The following TNR variants were observed in gnomAD, a reference collection of about 807,000 sequenced individuals.
The protein encoded by TNR is tenascin-R.
In TNR, 45 loss-of-function variants were observed where a neutral mutation model predicts 150.4. The observed-to-expected ratio is 0.30, with a 90% confidence interval of 0.24 to 0.38. The LOEUF (loss-of-function observed/expected upper bound fraction) is 0.38. TNR is among the 10% of genes least tolerant of loss of function. TNR has a pLI of 1.00. For missense variants in TNR, 1,544 were observed against 1,759.1 expected, an observed-to-expected ratio of 0.88 and a Z score of 2.19; for synonymous variants, 687 against 678.4, an observed-to-expected ratio of 1.01 and a Z score of -0.20.
chr1:175,489,832 T>G (rs1192208455), intron 2 of TNR, among the ~76,000 whole-genome samples: 1 of 152,204 alleles, frequency 6.6e-6, no homozygotes, highest in African/African-American at 2.4e-5. Flanking sequence ...TTTTTCCAAC[T>G]TCAACCGAAA....
At chr1:175,690,770 G>C (rs1666337900) in intron 1 of TNR, among the ~76,000 whole-genome samples, 1 of 152,216 alleles carries the variant, frequency 6.6e-6, no homozygotes, top group African/African-American at 2.4e-5. Context: ...GAACAAAAGA[G>C]AAACAGGTGG....
chr1:175,612,193 G>A (rs990570045), intron 1 of TNR, among the ~76,000 whole-genome samples: 1 of 152,108 alleles, frequency 6.6e-6, no homozygotes, highest in African/African-American at 2.4e-5. Flanking sequence ...CAGTCACTCA[G>A]AGCACCTCCT....
intron 2 of TNR, among the ~76,000 whole-genome samples, chr1:175,432,551 T>C (rs1290302188): frequency 2.6e-5 from 4 of 152,226 alleles, no homozygotes; most frequent in Non-Finnish European, 5.9e-5. Context: ...CCCATTATTT[T>C]TCCTACACGA....
At chr1:175,689,527 C>T (rs926290139) in intron 1 of TNR, among the ~76,000 whole-genome samples, 2 of 152,140 alleles carry the variant, frequency 1.3e-5, no homozygotes, top group South Asian at 4.2e-4. Flanking sequence ...CTGCCAGCTC[C>T]CTTGAATGCG....
intron 2 of TNR, among the ~76,000 whole-genome samples, chr1:175,436,885 T>C (rs1655535622): frequency 6.6e-6 from 1 of 152,116 alleles, no homozygotes; most frequent in Non-Finnish European, 1.5e-5. Context: ...ATAAAGCAAG[T>C]CCTTAGTGAC....
At chr1:175,395,263 A>G (rs1224835585) in intron 5 of TNR, among the ~76,000 whole-genome samples, 1 of 152,162 alleles carries the variant, frequency 6.6e-6, no homozygotes, top group African/African-American at 2.4e-5. Flanking sequence ...TGGAGCTTCC[A>G]TGAAGATTTC....
At chr1:175,715,647 G>T (rs887171365) in intron 1 of TNR, among the ~76,000 whole-genome samples, 1 of 152,212 alleles carries the variant, frequency 6.6e-6, no homozygotes, top group Non-Finnish European at 1.5e-5. Flanking sequence ...ATGATGCTGG[G>T]ATGTCATAAG....
chr1:175,470,226 A>T (rs1375382186), intron 2 of TNR, among the ~76,000 whole-genome samples: 4 of 152,186 alleles, frequency 2.6e-5, no homozygotes, highest in Non-Finnish European at 1.5e-5. Context: ...GCCAGTGTAA[A>T]GGTGACAGTT....
At chr1:175,431,919 C>CTCTCTCTCTCTCTCTCCT (rs1479119512) in intron 2 of TNR, among the ~76,000 whole-genome samples, 2 of 151,856 alleles carry the variant, frequency 1.3e-5, no homozygotes, top group Admixed American at 6.6e-5. Context: ...ATATCTCTCT[C>CTCTCTCTCTCTCTCTCCT]TCTCTCTCTC....
chr1:175,656,273 T>G (rs187240943), intron 1 of TNR, among the ~76,000 whole-genome samples: 176 of 151,884 alleles, frequency 1.2e-3, no homozygotes, highest in African/African-American at 4.1e-3. Context: ...AACCCTGAGG[T>G]GTTACACAAA....
intron 1 of TNR, among the ~76,000 whole-genome samples, chr1:175,650,829 A>G (rs1431161617): frequency 1.2e-3 from 13 of 10,594 alleles, no homozygotes; most frequent in South Asian, 6.0e-3. Context: ...CCTCCTTACT[A>G]CCCCTCCCCC....
intron 1 of TNR, among the ~76,000 whole-genome samples, chr1:175,553,489 C>T (rs991835834): frequency 7.2e-5 from 11 of 152,188 alleles, no homozygotes; most frequent in African/African-American, 2.2e-4. Context: ...CAACTCTATC[C>T]ACCACATCAT....
At chr1:175,721,619 C>T (rs998527593) in intron 1 of TNR, among the ~76,000 whole-genome samples, 1 of 152,150 alleles carries the variant, frequency 6.6e-6, no homozygotes, top group Non-Finnish European at 1.5e-5. Flanking sequence ...CTGAAACCTG[C>T]CTTCACCTTT....
At chr1:175,725,975 G>A (rs1311525491) in intron 1 of TNR, among the ~76,000 whole-genome samples, 1 of 152,158 alleles carries the variant, frequency 6.6e-6, no homozygotes, top group Non-Finnish European at 1.5e-5. Flanking sequence ...AAGCATTAGA[G>A]GTGCCAAGTA....
At position 175,689,502 on chromosome 1, in the gene TNR, C is replaced by A. The variant is rs146384111; in HGVS notation, c.-165+53724G>T. 1.5e-3 allele frequency among the ~76,000 whole-genome samples: 229 copies of A among 152,264 alleles called. 4 individuals are homozygous for A. Among genetic ancestry groups the A allele is most frequent in the African/African-American group, 5.4e-3 (223 of 41,548 alleles). ...ATTTGCATGTTTTCATTAACGCAGG[C>A]TATGGCTGGCCAGGCTGCCAGCTCC... On this transcript the variant is annotated intron_variant, in intron 1 of 22. Coordinates refer to ENST00000367674, the MANE Select transcript of TNR (RefSeq NM_003285.3).
intron 1 of TNR, among the ~76,000 whole-genome samples, chr1:175,558,866 T>C (rs1482920658): frequency 6.6e-6 from 1 of 152,232 alleles, no homozygotes; most frequent in East Asian, 1.9e-4. Flanking sequence ...CATGTCATTA[T>C]ACATTTGTCC....
At chr1:175,656,186 G>T (rs189365086) in intron 1 of TNR, among the ~76,000 whole-genome samples, 1 of 144,662 alleles carries the variant, frequency 6.9e-6, no homozygotes, top group African/African-American at 2.8e-5. Flanking sequence ...GTGTGTGTGT[G>T]TGTGTATGTG....
chr1:175,643,164 T>C (rs1664716548), intron 1 of TNR, among the ~76,000 whole-genome samples: 1 of 152,202 alleles, frequency 6.6e-6, no homozygotes, highest in Non-Finnish European at 1.5e-5. Flanking sequence ...CATGTCTATA[T>C]TCCTGGCCTG....
At position 175,668,449 on chromosome 1, in the gene TNR, T is replaced by C. The variant is rs1345003636; in HGVS notation, c.-165+74777A>G. Among the ~76,000 whole-genome samples, 4 of 152,006 alleles carry C rather than the reference T, an allele frequency of 2.6e-5. No individual in the cohort carries two copies. In the East Asian group the frequency reaches 7.7e-4, roughly 29 times the overall value. ...TGCCTGCAATCTGGCATCCCCACAG[T>C]AGGGAGGGGGCTCTTCCTAAGCATG... On this transcript the variant is annotated intron_variant, in intron 1 of 22. Transcript: ENST00000367674.
Sources: gnomAD v4.1 joint callset for allele counts (sites outside exome capture counted in the v4.1 genomes callset) on GRCh38, gnomAD v4.1.1 for gene constraint, MANE v1.5 for transcripts, NCBI Gene and HGNC (gene_info 2026-07-23, HGNC 2026-07-21) for gene names.